The following TBCA variants were observed in gnomAD, a reference collection of about 807,000 sequenced individuals.
The protein encoded by TBCA is tubulin-specific chaperone A.
Under a neutral mutation model 15.8 loss-of-function variants are expected in TBCA, and 6 were observed. That is an observed-to-expected ratio of 0.38 (90% CI 0.21 to 0.75). The LOEUF (loss-of-function observed/expected upper bound fraction) is 0.75. TBCA is among the 30% of genes least tolerant of loss of function. The probability of loss-of-function intolerance (pLI) is 0.46; values close to 1 mark genes in which losing one functional copy is unlikely to be tolerated. For synonymous variants in TBCA, 32 were observed against 42.3 expected, an observed-to-expected ratio of 0.76 and a Z score of 0.94; for missense variants, 90 against 131.2, an observed-to-expected ratio of 0.69 and a Z score of 1.53.
chr5:77,718,650 T>C (rs1229045162), intron 1 of TBCA, among the ~76,000 whole-genome samples: 2 of 152,212 alleles, frequency 1.3e-5, no homozygotes, highest in Admixed American at 6.5e-5. Flanking sequence ...GTGAGATTTT[T>C]CACTGTTCCC....
intron 1 of TBCA, among the ~76,000 whole-genome samples, chr5:77,733,329 G>A (rs926200810): frequency 2.6e-5 from 4 of 152,220 alleles, no homozygotes; most frequent in African/African-American, 9.7e-5. Flanking sequence ...GGAAAGGCAT[G>A]TGGAAAGCCA....
At chr5:77,740,377 G>A (rs1747004024) in intron 1 of TBCA, among the ~76,000 whole-genome samples, 1 of 152,172 alleles carries the variant, frequency 6.6e-6, no homozygotes, top group African/African-American at 2.4e-5. Flanking sequence ...AAGACAAGGG[G>A]AGAGTGGTAG....
intron 1 of TBCA, among the ~76,000 whole-genome samples, chr5:77,725,760 A>G (rs1268783517): frequency 1.3e-5 from 2 of 152,174 alleles, no homozygotes; most frequent in Admixed American, 6.5e-5. Flanking sequence ...TCCATCAGGC[A>G]TCTTGTAATA....
At chr5:77,692,435 CATT>C (rs757164327) in intron 3 of TBCA, 324 of 946,556 alleles carry the variant, frequency 3.4e-4, no homozygotes, top group Middle Eastern at 5.3e-4. Flanking sequence ...CATCCAAATA[CATT>C]ATTATTATTA....
At chr5:77,759,063 G>GGGT (rs1747545423) in intron 1 of TBCA, among the ~76,000 whole-genome samples, 1 of 152,006 alleles carries the variant, frequency 6.6e-6, no homozygotes, top group Non-Finnish European at 1.5e-5. Context: ...TCCTGGTGGG[G>GGGT]GGGTAGGTGG....
chr5:77,696,025 T>C (rs1277859620), intron 2 of TBCA, among the ~76,000 whole-genome samples: 4 of 152,158 alleles, frequency 2.6e-5, no homozygotes, highest in East Asian at 1.9e-4. Context: ...ATATGTAAAT[T>C]GGAAAGGATA....
At chr5:77,754,815 CA>C (rs1360521058) in intron 1 of TBCA, among the ~76,000 whole-genome samples, 1 of 151,994 alleles carries the variant, frequency 6.6e-6, no homozygotes, top group Non-Finnish European at 1.5e-5. Flanking sequence ...TAAATGCAAA[CA>C]AAAATGCTGA....
rs1396661739 is a variant in TBCA, at chr5:77,776,295, C to T, written c.-38G>A. 9 of 1,561,386 alleles carry T rather than the reference C, an allele frequency of 5.8e-6. No individual in the cohort carries two copies. The highest frequency in any genetic ancestry group is 5.4e-5 in the African/African-American group (4 of 73,508). ...GCCGCGAGAAGGAGGGGCGGAGAGC[C>T]GGGGTAACCGTGGAGGGCGACGCGC... On this transcript the variant is annotated 5_prime_UTR_variant, in exon 1 of 4. Coordinates refer to ENST00000380377, the MANE Select transcript of TBCA (RefSeq NM_004607.3).
intron 1 of TBCA, among the ~76,000 whole-genome samples, chr5:77,748,031 C>T (rs1041945080): frequency 3.9e-5 from 6 of 152,232 alleles, no homozygotes; most frequent in Admixed American, 1.3e-4. Flanking sequence ...ATCACTAATA[C>T]AGAACTGTTT....
At chr5:77,744,495 T>A (rs1240021515) in intron 1 of TBCA, among the ~76,000 whole-genome samples, 1 of 151,484 alleles carries the variant, frequency 6.6e-6, no homozygotes, top group Non-Finnish European at 1.5e-5. Flanking sequence ...CTACAGGACT[T>A]CTCTGAGCTT....
intron 1 of TBCA, among the ~76,000 whole-genome samples, chr5:77,722,163 T>C (rs916191489): frequency 6.6e-6 from 1 of 152,060 alleles, no homozygotes; most frequent in African/African-American, 2.4e-5. Context: ...ATCATGATTA[T>C]ACATAAACAT....
intron 1 of TBCA, among the ~76,000 whole-genome samples, chr5:77,733,696 C>G (rs1746828484): frequency 6.6e-6 from 1 of 152,198 alleles, no homozygotes; most frequent in Non-Finnish European, 1.5e-5. Context: ...GGGGAAGCAG[C>G]AAGTGCTGAT....
chr5:77,726,543 AT>A lies in TBCA; in HGVS notation c.54-18197del, dbSNP rs555909223. Among the ~76,000 whole-genome samples the A allele has an allele frequency of 3.0e-4, 45 of 152,356 alleles. 1 individual carries two copies. The South Asian group carries it at 8.9e-3, about 30-fold the overall frequency. On this transcript the variant is annotated intron_variant, in intron 1 of 3. Transcript: ENST00000380377. The stretch of plus-strand genomic sequence containing the variant: ...CAAACTGAAAACCTCTATTAAAAAA[AT>A]ACTATTGGATGTATTTATGAGGTTA...
chr5:77,720,259 G>A (rs1036873000), intron 1 of TBCA, among the ~76,000 whole-genome samples: 26 of 152,132 alleles, frequency 1.7e-4, no homozygotes, highest in African/African-American at 4.6e-4. Flanking sequence ...CAGATGGATA[G>A]GGTAAAGTTC....
intron 1 of TBCA, among the ~76,000 whole-genome samples, chr5:77,763,052 G>T (rs539475443): frequency 1.8e-4 from 27 of 152,238 alleles, no homozygotes; most frequent in African/African-American, 6.5e-4. Context: ...GACCATCCTG[G>T]ATAACATGGT....
chr5:77,725,459 C>T (rs148812417), intron 1 of TBCA, among the ~76,000 whole-genome samples: 1 of 152,098 alleles, frequency 6.6e-6, no homozygotes, highest in African/African-American at 2.4e-5. Context: ...CAATTACCAC[C>T]AAATGAAGTA....
In TBCA at chr5:77,766,719, G is replaced by A. The variant is rs1323634506; in HGVS notation, c.53+9486C>T. ...AGAGACGGGGTTTCACCGTGGTCTC[G>A]ATCTCCTGACCTCGTGATCCGCCCG... On this transcript the variant is annotated intron_variant, in intron 1 of 3. Coordinates refer to ENST00000380377, the MANE Select transcript of TBCA (RefSeq NM_004607.3). Among the ~76,000 whole-genome samples the A allele has an allele frequency of 4.8e-4, 12 of 24,810 alleles. 4 individuals carry two copies. The East Asian group carries it at 7.4e-3, about 15-fold the overall frequency. The allele number at this position is 24,810 out of a possible 152,430, so 16.3% of individuals were successfully genotyped here.
At chr5:77,702,184 C>T (rs1198948820) in intron 2 of TBCA, among the ~76,000 whole-genome samples, 15 of 152,010 alleles carry the variant, frequency 9.9e-5, no homozygotes, top group Admixed American at 6.6e-4. Context: ...CCAAAACCTA[C>T]AGAAATAATA....
chr5:77,701,682 CATATATATATAT>C lies in TBCA; in HGVS notation c.159+6548_159+6559del, dbSNP rs58679612. On this transcript the variant is annotated intron_variant, in intron 2 of 3. Transcript: ENST00000380377. ...CAACAAGTGGATAAACTGTGGCATG[CATATATATATAT>C]ATATATATATATATATATATATATA... Among the ~76,000 whole-genome samples the C allele has an allele frequency of 2.7e-3, 136 of 50,970 alleles. 2 individuals are homozygous for C. Among genetic ancestry groups the C allele is most frequent in the East Asian group, 8.7e-3 (11 of 1,270 alleles). The allele number at this position is 50,970 out of a possible 152,430, so 33.4% of individuals were successfully genotyped here.
Sources: allele counts gnomAD v4.1 joint callset (sites outside exome capture counted in the v4.1 genomes callset), GRCh38; gene constraint gnomAD v4.1.1; transcripts MANE v1.5; gene names NCBI Gene and HGNC (gene_info 2026-07-23, HGNC 2026-07-21).